Variants in MMP11 observed in about 807,000 individuals in gnomAD.
MMP11 encodes matrix metallopeptidase 11, also known as stromelysin-3.
In MMP11, 26 loss-of-function variants were observed where a neutral mutation model predicts 49.5. The ratio of observed to expected loss-of-function variants is 0.52; its 90% CI spans 0.38 to 0.73. The LOEUF is 0.73. MMP11 is among the 30% of genes least tolerant of loss of function. The pLI, the probability that MMP11 is intolerant of heterozygous loss-of-function variation, is 0.00. For synonymous variants in MMP11, 265 were observed against 282.3 expected (o/e 0.94, Z 0.62); for missense variants, 624 against 671.2 (o/e 0.93, Z 0.78).
rs1927590590 is a variant in MMP11 at position 23,780,768 on chromosome 22, TG to T, written c.616+57del. On this transcript the variant is annotated intron_variant, in intron 4 of 7. Coordinates refer to ENST00000215743, the MANE Select transcript of MMP11 (RefSeq NM_005940.5). The surrounding 1 kb of genome is among the most constrained non-coding windows in gnomAD (Gnocchi z 4.6). The stretch of plus-strand genomic sequence containing the variant: ...TGGGGCAACCGAAGATCATAAAGAA[TG>T]GGGACTCGCCAAGGTCACTGAGCTG... 6 of 1,556,902 alleles carry T rather than the reference TG, an allele frequency of 3.9e-6. No individual in the cohort carries two copies. In the East Asian group the frequency reaches 1.3e-4, roughly 35 times the overall value.
chr22:23,781,710 C>G (rs915505287), intron 6 of MMP11: 11 of 650,444 alleles, frequency 1.7e-5, no homozygotes, highest in South Asian at 1.1e-4. Context: ...TCTGGGGCCC[C>G]GAGGCAGTGA....
rs773991209 is a variant in MMP11 at position 23,772,944 on chromosome 22, AGCC to A, written c.83_85del (p.Pro28del). ...CCCCCGATGCTGCTGCTGCTGCTCCAGCCGCCGCCGCTGCTGGCCCGGGCTCTG... is the reference window on the plus strand; with the variant it reads ...CCCCCGATGCTGCTGCTGCTGCTCCAGCCGCCGCTGCTGGCCCGGGCTCTG... On this transcript the variant is annotated inframe_deletion, in exon 1 of 8. Coordinates refer to ENST00000215743, the MANE Select transcript of MMP11 (RefSeq NM_005940.5). 14 of 1,216,892 alleles carry A rather than the reference AGCC, an allele frequency of 1.2e-5. No homozygotes were observed. Among genetic ancestry groups the A allele is most frequent in the South Asian group, 6.2e-5 (2 of 32,494 alleles). 75.4% of individuals were successfully genotyped at this position (1,216,892 alleles called of 1,614,324 possible). A position where few individuals can be genotyped will look rare whatever the true frequency, so the allele number is the denominator to read the frequency against.
intron 1 of MMP11, among the ~76,000 whole-genome samples, chr22:23,775,783 G>A (rs1293139430): frequency 1.3e-5 from 2 of 152,232 alleles, no homozygotes; most frequent in Non-Finnish European, 2.9e-5. Context: ...CTAGAGGGGC[G>A]GTGGGTGATG....
intron 1 of MMP11, 85 bp downstream of exon 1, chr22:23,773,063 G>T (rs1182239177): frequency 2.8e-5 from 31 of 1,096,596 alleles, no homozygotes; most frequent in East Asian, 5.5e-5. Context: ...CCGGACCGAA[G>T]GGGGCGCCCC....
intron 1 of MMP11, among the ~76,000 whole-genome samples, chr22:23,776,664 CA>C (rs1447730889): frequency 6.6e-6 from 1 of 152,154 alleles, no homozygotes; most frequent in East Asian, 1.9e-4. Flanking sequence ...GTTGTCTGAT[CA>C]AGCTGCTTAA....
At chr22:23,776,633 A>ACAGT (rs1927419517) in intron 1 of MMP11, among the ~76,000 whole-genome samples, 1 of 152,098 alleles carries the variant, frequency 6.6e-6, no homozygotes, top group African/African-American at 2.4e-5. Context: ...GTGAGCACAG[A>ACAGT]CAGTCCGCTG....
Position 23,780,623 on chromosome 22 carries a change from G to A in MMP11, c.524G>A (p.Gly175Asp), listed in dbSNP as rs752561882. Residue 175 changes from glycine (G) to aspartate (D), a missense_variant, in exon 4 of 8, where the codon GGC becomes GAC. Coordinates refer to ENST00000215743, the MANE Select transcript of MMP11 (RefSeq NM_005940.5). This position sits in a 1 kb window ranked among gnomAD's most constrained non-coding sequence, Gnocchi z 4.6. ...GACCTGCCGTTTGATGGGCCTGGGG[G>A]CATCCTGGCCCATGCCTTCTTCCCC... ...GDDLPFDGPG[G>D]ILAHAFFPKT... The A allele has an allele frequency of 3.5e-5, 56 of 1,594,276 alleles. No individual in the cohort carries two copies. Among genetic ancestry groups the A allele is most frequent in the Non-Finnish European group, 4.5e-5 (53 of 1,170,560 alleles).
rs1230954962 is a variant in MMP11 at position 23,780,254 on chromosome 22, C to A, written c.339-105C>A. On this transcript the variant is annotated intron_variant, in intron 2 of 7. Transcript: ENST00000215743. This position sits in a 1 kb window ranked among gnomAD's most constrained non-coding sequence, Gnocchi z 4.6. Reference sequence around the variant, plus strand: ...GGCCCAGAGTACACCTGGCCTGTGTCCTGAGTGTTCACACACCCACCAAGC... The same window carrying A: ...GGCCCAGAGTACACCTGGCCTGTGTACTGAGTGTTCACACACCCACCAAGC... The A allele has an allele frequency of 1.4e-6, 2 of 1,428,340 alleles. No individual in the cohort carries two copies. The highest frequency in any genetic ancestry group is 1.9e-6 in the Non-Finnish European group (2 of 1,036,024). 88.5% of individuals were successfully genotyped at this position (1,428,340 alleles called of 1,614,324 possible).
At chr22:23,782,077 G>T (rs1927655229) in intron 6 of MMP11, 149 bp from the exon 7 acceptor site, 3 of 1,170,618 alleles carry the variant, frequency 2.6e-6, no homozygotes, top group Non-Finnish European at 2.4e-6. Flanking sequence ...TCTGCGGGTG[G>T]GGTGCTGAGC....
In MMP11 at chr22:23,780,645, C is replaced by T; in HGVS notation, c.546C>T (p.Phe182=). The T allele has an allele frequency of 1.9e-6, 3 of 1,586,828 alleles. No individual in the cohort carries two copies. Among genetic ancestry groups the T allele is most frequent in the Admixed American group, 1.8e-5 (1 of 56,786 alleles). The change falls in exon 4 of 8, where the codon TTC becomes TTT. Residue 182 remains phenylalanine (F), a synonymous_variant. Coordinates refer to ENST00000215743, the MANE Select transcript of MMP11 (RefSeq NM_005940.5). This position sits in a 1 kb window ranked among gnomAD's most constrained non-coding sequence, Gnocchi z 4.6. ...GGGGCATCCTGGCCCATGCCTTCTTCCCCAAGACTCACCGAGAAGGGGATG... is the reference window on the plus strand; with the variant it reads ...GGGGCATCCTGGCCCATGCCTTCTTTCCCAAGACTCACCGAGAAGGGGATG... ...GPGGILAHAF[F]PKTHREGDVH...
At position 23,780,202 on chromosome 22, in the gene MMP11, C is replaced by A; in HGVS notation, c.339-157C>A. On this transcript the variant is annotated intron_variant, in intron 2 of 7. Coordinates refer to ENST00000215743, the MANE Select transcript of MMP11 (RefSeq NM_005940.5). This position sits in a 1 kb window ranked among gnomAD's most constrained non-coding sequence, Gnocchi z 4.6. The stretch of plus-strand genomic sequence containing the variant: ...ACCACATACACATGTGCCCATGTGG[C>A]CAGGGAGACCAGTGCGCTGAAGCTG... The A allele has an allele frequency of 1.2e-6, 1 of 822,800 alleles. No homozygotes were observed. Among genetic ancestry groups the A allele is most frequent in the Non-Finnish European group, 1.9e-6 (1 of 524,488 alleles). The allele number at this position is 822,800 out of a possible 1,614,324, so 51.0% of individuals were successfully genotyped here.
At chr22:23,778,203 G>A (rs553876657) in intron 1 of MMP11, among the ~76,000 whole-genome samples, 1 of 152,234 alleles carries the variant, frequency 6.6e-6, no homozygotes, top group Non-Finnish European at 1.5e-5. Flanking sequence ...CCTTAGGCCT[G>A]AGCCACCAGA....
chr22:23,773,250 C>T (rs1042556391), intron 1 of MMP11, among the ~76,000 whole-genome samples: 14 of 152,140 alleles, frequency 9.2e-5, no homozygotes, highest in Non-Finnish European at 1.8e-4. Flanking sequence ...ACCTGCCTCT[C>T]GCGCTCCAGC....
Position 23,783,644 on chromosome 22 carries a change from G to T in MMP11, c.*100G>T. On this transcript the variant is annotated 3_prime_UTR_variant, in exon 8 of 8. Transcript: ENST00000215743. Reference sequence around the variant, plus strand: ...TTTGTGGCTGTGGGCACCAGGCATGGGACTGAGCCCATGTCTCCTCAGGGG... The same window carrying T: ...TTTGTGGCTGTGGGCACCAGGCATGTGACTGAGCCCATGTCTCCTCAGGGG... The T allele has an allele frequency of 6.6e-7, 1 of 1,514,724 alleles. No individual in the cohort carries two copies. The allele number at this position is 1,514,724 out of a possible 1,614,324, so 93.8% of individuals were successfully genotyped here. A position where few individuals can be genotyped will look rare whatever the true frequency, so the allele number is the denominator to read the frequency against.
At chr22:23,775,489 G>A (rs1396879388) in intron 1 of MMP11, among the ~76,000 whole-genome samples, 1 of 152,226 alleles carries the variant, frequency 6.6e-6, no homozygotes, top group Non-Finnish European at 1.5e-5. Flanking sequence ...CAGTGAGGCA[G>A]AATGTGTGTC....
intron 1 of MMP11, 34 bp downstream of exon 1, chr22:23,773,012 T>G (rs1302682544): frequency 8.6e-7 from 1 of 1,161,800 alleles, no homozygotes; most frequent in Non-Finnish European, 1.1e-6. Flanking sequence ...CGCTCCTCGC[T>G]GAGGGGGCGC....
At position 23,783,761 on chromosome 22, in the gene MMP11, G is replaced by T; in HGVS notation, c.*217G>T. The T allele has an allele frequency of 1.6e-6, 1 of 625,676 alleles. No individual in the cohort carries two copies. The highest frequency in any genetic ancestry group is 2.8e-6 in the Non-Finnish European group (1 of 361,544). The allele number at this position is 625,676 out of a possible 1,614,324, so 38.8% of individuals were successfully genotyped here. A position where few individuals can be genotyped will look rare whatever the true frequency, so the allele number is the denominator to read the frequency against. ...GCGACTGTCTCAGACTGGGCAGGGA[G>T]GCTTTGGCATGACTTAAGAGGAAGG... On this transcript the variant is annotated 3_prime_UTR_variant, in exon 8 of 8. Transcript: ENST00000215743.
At position 23,780,664 on chromosome 22, in the gene MMP11, G is replaced by T; in HGVS notation, c.565G>T (p.Gly189Trp). 2 of 1,580,912 alleles carry T rather than the reference G, an allele frequency of 1.3e-6. No homozygotes were observed. Among genetic ancestry groups the T allele is most frequent in the Non-Finnish European group, 1.7e-6 (2 of 1,165,760 alleles). ...HAFFPKTHREGDVHFDYDETW... is the reference protein window; with the variant it reads ...HAFFPKTHREWDVHFDYDETW... ...CTTCTTCCCCAAGACTCACCGAGAAGGGGATGTCCACTTCGACTATGATGA... is the reference window on the plus strand; with the variant it reads ...CTTCTTCCCCAAGACTCACCGAGAATGGGATGTCCACTTCGACTATGATGA... The change falls in exon 4 of 8, where the codon GGG (glycine) becomes TGG (tryptophan). Residue 189 changes from glycine to tryptophan, a missense_variant. Transcript: ENST00000215743. This position sits in a 1 kb window ranked among gnomAD's most constrained non-coding sequence, Gnocchi z 4.6.
intron 1 of MMP11, among the ~76,000 whole-genome samples, chr22:23,777,357 G>A (rs912094049): frequency 4.0e-5 from 6 of 151,824 alleles, no homozygotes; most frequent in Non-Finnish European, 8.8e-5. Flanking sequence ...CACAAGGTCA[G>A]GAGATCGAGA....
Sources: allele counts gnomAD v4.1 joint callset (sites outside exome capture counted in the v4.1 genomes callset), GRCh38; gene constraint gnomAD v4.1.1; non-coding constraint Gnocchi (gnomAD v3.1); transcripts MANE v1.5; gene names NCBI Gene and HGNC (gene_info 2026-07-23, HGNC 2026-07-21).